The following CDH18 variants were observed in gnomAD, a reference collection of about 807,000 sequenced individuals.
The protein encoded by CDH18 is cadherin 18, also known as cadherin-18.
CDH18 carries 31 observed loss-of-function variants against 67.9 expected under a neutral mutation model. The observed-to-expected ratio is 0.46, with a 90% CI of 0.34 to 0.62. CDH18 has a LOEUF of 0.62. Among genes scored for constraint, CDH18 ranks in the 20% least tolerant of loss-of-function variants. The pLI, the probability that CDH18 is intolerant of heterozygous loss-of-function variation, is 0.01. For synonymous variants in CDH18, 362 were observed against 347.2 expected (o/e 1.04, Z -0.48); for missense variants, 890 against 975.5 (o/e 0.91, Z 1.17).
At chr5:20,081,795 G>C (rs955210517) in intron 2 of CDH18, among the ~76,000 whole-genome samples, 14 of 152,224 alleles carry the variant, frequency 9.2e-5, no homozygotes, top group African/African-American at 3.4e-4. Flanking sequence ...GCCTACTCGA[G>C]GGTGGAGAGT....
chr5:19,729,351 T>A (rs569516414), intron 4 of CDH18, among the ~76,000 whole-genome samples: 1 of 152,306 alleles, frequency 6.6e-6, no homozygotes, highest in South Asian at 2.1e-4. Context: ...ATAGAGAAGT[T>A]GAAGTTCAAA....
intron 5 of CDH18, among the ~76,000 whole-genome samples, chr5:19,653,659 C>T (rs991904659): frequency 1.3e-5 from 2 of 152,120 alleles, no homozygotes; most frequent in African/African-American, 4.8e-5. Flanking sequence ...GAAAGATCCC[C>T]CCAGGCCATC....
In CDH18 at chr5:19,552,996, A is replaced by C. The variant is rs1306720093; in HGVS notation, c.1254-8991T>G. 2.3e-4 allele frequency among the ~76,000 whole-genome samples: 35 copies of C among 152,174 alleles called. 1 individual carries two copies. Among genetic ancestry groups the C allele is most frequent in the Admixed American group, 2.3e-3 (35 of 15,270 alleles). ...ATGCATTATATTGAAGTGAGATGAA[A>C]ATTTATTATTGAAATTAGTACTTCA... On this transcript the variant is annotated intron_variant, in intron 8 of 12. Transcript: ENST00000382275.
At chr5:20,273,232 T>C (rs917801519) in intron 1 of CDH18, among the ~76,000 whole-genome samples, 2 of 152,072 alleles carry the variant, frequency 1.3e-5, no homozygotes, top group African/African-American at 2.4e-5. Context: ...GGACCTAGCA[T>C]AGACAATATG....
chr5:20,063,858 G>A (rs1487448892), intron 2 of CDH18, among the ~76,000 whole-genome samples: 1 of 152,106 alleles, frequency 6.6e-6, no homozygotes, highest in African/African-American at 2.4e-5. Flanking sequence ...CTGAATAAAT[G>A]TTGTCTGGAC....
intron 5 of CDH18, among the ~76,000 whole-genome samples, chr5:19,656,585 T>G (rs1580726713): frequency 6.6e-6 from 1 of 152,080 alleles, no homozygotes; most frequent in Admixed American, 6.6e-5. Context: ...TAAAGGTCTA[T>G]AAATATATAA....
chr5:20,496,951 T>G (rs533586337), intron 1 of CDH18, among the ~76,000 whole-genome samples: 3 of 151,822 alleles, frequency 2.0e-5, no homozygotes, highest in African/African-American at 7.2e-5. Context: ...ATGAAGGAGC[T>G]GTGGGTGCTA....
At chr5:19,501,128 T>C (rs1743159366) in intron 11 of CDH18, among the ~76,000 whole-genome samples, 1 of 149,878 alleles carries the variant, frequency 6.7e-6, no homozygotes, top group South Asian at 2.1e-4. Context: ...AGGGAAACTC[T>C]ATCTCAATAT....
At chr5:19,980,209 G>T (rs1798895104) in intron 2 of CDH18, among the ~76,000 whole-genome samples, 1 of 115,510 alleles carries the variant, frequency 8.7e-6, no homozygotes, top group Non-Finnish European at 2.1e-5. Context: ...TTTTACAACA[G>T]CAAAAAACAA....
intron 1 of CDH18, among the ~76,000 whole-genome samples, chr5:20,494,563 G>C (rs559517993): frequency 6.6e-6 from 1 of 152,050 alleles, no homozygotes; most frequent in Non-Finnish European, 1.5e-5. Flanking sequence ...GTTTTCTCAT[G>C]AAAAAAGAAA....
Position 19,854,717 on chromosome 5 carries a change from T to C in CDH18, c.-256-15475A>G, listed in dbSNP as rs567793700. 2.6e-5 allele frequency among the ~76,000 whole-genome samples: 4 copies of C among 152,272 alleles called. No individual in the cohort carries two copies. The East Asian group carries it at 7.7e-4, about 29-fold the overall frequency. ...TGAGCTCCAAGACATTGTTTAAAGA[T>C]AACAAGTTTCCTAGGAGTGTATAGT... On this transcript the variant is annotated intron_variant, in intron 2 of 12. Coordinates refer to ENST00000382275, the MANE Select transcript of CDH18 (RefSeq NM_004934.5).
chr5:19,994,730 TATATATATAGAGAGAGAGAGAGAGAG>T lies in CDH18; in HGVS notation c.-517-2742_-517-2717del, dbSNP rs1395754151. Among the ~76,000 whole-genome samples the T allele has an allele frequency of 5.0e-3, 84 of 16,690 alleles. 4 individuals carry two copies. Among genetic ancestry groups the T allele is most frequent in the African/African-American group, 0.014 (56 of 3,950 alleles). 10.9% of individuals were successfully genotyped at this position (16,690 alleles called of 152,430 possible). ...ATATATATATATATATATATATATA[TATATATATAGAGAGAGAGAGAGAGAG>T]AGAGAGAGAGAGAGAGAGAGAGAGA... On this transcript the variant is annotated intron_variant, in intron 2 of 14. Transcript: ENST00000507958.
intron 2 of CDH18, among the ~76,000 whole-genome samples, chr5:20,170,195 A>T (rs1160996271): frequency 2.0e-5 from 3 of 147,528 alleles, no homozygotes; most frequent in Non-Finnish European, 4.5e-5. Flanking sequence ...ACCCCCCGAC[A>T]GGCCCCAGTG....
At chr5:19,939,501 T>A (rs976737695) in intron 2 of CDH18, among the ~76,000 whole-genome samples, 8 of 151,864 alleles carry the variant, frequency 5.3e-5, no homozygotes, top group African/African-American at 1.4e-4. Flanking sequence ...ACTGCATCAC[T>A]GATTAAAAAG....
At chr5:20,354,809 A>G (rs1436731490) in intron 1 of CDH18, among the ~76,000 whole-genome samples, 1 of 152,172 alleles carries the variant, frequency 6.6e-6, no homozygotes, top group East Asian at 1.9e-4. Context: ...ACAATCAGAG[A>G]TCTGAGTTGG....
intron 2 of CDH18, among the ~76,000 whole-genome samples, chr5:20,027,089 T>C (rs1017590771): frequency 6.6e-6 from 1 of 152,146 alleles, no homozygotes; most frequent in African/African-American, 2.4e-5. Context: ...AAAATAATAC[T>C]AATTACCTTG....
chr5:19,942,517 C>T (rs1211160103), intron 2 of CDH18, among the ~76,000 whole-genome samples: 1 of 152,112 alleles, frequency 6.6e-6, no homozygotes, highest in African/African-American at 2.4e-5. Context: ...AAAATATGTC[C>T]ATTCTACAAA....
At chr5:19,524,053 A>T (rs1338940712) in intron 9 of CDH18, among the ~76,000 whole-genome samples, 1 of 152,010 alleles carries the variant, frequency 6.6e-6, no homozygotes, top group African/African-American at 2.4e-5. Context: ...TTATACTGTA[A>T]AACTAATAAG....
intron 2 of CDH18, among the ~76,000 whole-genome samples, chr5:19,918,858 T>C (rs953672782): frequency 6.6e-6 from 1 of 151,922 alleles, no homozygotes; most frequent in African/African-American, 2.4e-5. Context: ...TCTTTTATAA[T>C]TTATAAGAAA....
Sources: gnomAD v4.1 joint callset for allele counts (sites outside exome capture counted in the v4.1 genomes callset) on GRCh38, gnomAD v4.1.1 for gene constraint, MANE v1.5 for transcripts, NCBI Gene and HGNC (gene_info 2026-07-23, HGNC 2026-07-21) for gene names.